The following CTXND1 variants were observed in gnomAD, a reference collection of about 807,000 sequenced individuals.
CTXND1 encodes cortexin domain-containing 1 protein.
chr15:80,221,983 G>A (rs1172265736), intron 1 of CTXND1, among the ~76,000 whole-genome samples: 2 of 152,122 alleles, frequency 1.3e-5, no homozygotes, highest in Non-Finnish European at 2.9e-5. Context: ...TTGTATAGGT[G>A]TTGCTTTTTG....
intron 1 of CTXND1, among the ~76,000 whole-genome samples, chr15:80,230,398 C>T (rs1364096665): frequency 6.6e-6 from 1 of 152,190 alleles, no homozygotes; most frequent in African/African-American, 2.4e-5. Context: ...ACGTGAGCCA[C>T]AACGCCTGGC....
chr15:80,213,731 A>G (rs1893223802), intron 1 of CTXND1, among the ~76,000 whole-genome samples: 1 of 152,234 alleles, frequency 6.6e-6, no homozygotes, highest in African/African-American at 2.4e-5. Context: ...CTCTATAACA[A>G]TGAACACCTG....
intron 1 of CTXND1, among the ~76,000 whole-genome samples, chr15:80,226,830 C>G (rs1049975431): frequency 6.6e-6 from 1 of 152,182 alleles, no homozygotes; most frequent in Non-Finnish European, 1.5e-5. Context: ...AATGCCCTGA[C>G]TTGTTTTCCA....
intron 1 of CTXND1, among the ~76,000 whole-genome samples, chr15:80,226,548 G>A (rs1406494218): frequency 6.6e-6 from 1 of 152,076 alleles, no homozygotes; most frequent in African/African-American, 2.4e-5. Flanking sequence ...AAGCCCTGTG[G>A]CAACGAGAAA....
intron 1 of CTXND1, among the ~76,000 whole-genome samples, chr15:80,214,355 G>A (rs1893230999): frequency 6.6e-6 from 1 of 152,002 alleles, no homozygotes; most frequent in African/African-American, 2.4e-5. Flanking sequence ...TTTTATTACT[G>A]GGAGGGAATA....
intron 1 of CTXND1, among the ~76,000 whole-genome samples, chr15:80,243,917 G>T (rs1893599561): frequency 1.3e-5 from 2 of 152,202 alleles, no homozygotes; most frequent in Non-Finnish European, 1.5e-5. Flanking sequence ...AACAGCTCCT[G>T]GGAGGAGACC....
At chr15:80,214,180 C>G (rs750859105) in intron 1 of CTXND1, among the ~76,000 whole-genome samples, 9 of 151,950 alleles carry the variant, frequency 5.9e-5, no homozygotes, top group Non-Finnish European at 1.0e-4. Flanking sequence ...AAGTACAATA[C>G]ATTTTTCACA....
At chr15:80,220,183 A>G (rs1467934074) in intron 1 of CTXND1, among the ~76,000 whole-genome samples, 1 of 151,566 alleles carries the variant, frequency 6.6e-6, no homozygotes. Context: ...TTATCTATCT[A>G]TCTATATTAG....
At chr15:80,232,260 C>T (rs544321944) in intron 1 of CTXND1, among the ~76,000 whole-genome samples, 1 of 152,064 alleles carries the variant, frequency 6.6e-6, no homozygotes, top group Non-Finnish European at 1.5e-5. Flanking sequence ...TGCATACCTC[C>T]CTGCCCCCGA....
intron 1 of CTXND1, among the ~76,000 whole-genome samples, chr15:80,224,476 TAA>T (rs1404257363): frequency 6.6e-6 from 1 of 152,252 alleles, no homozygotes; most frequent in African/African-American, 2.4e-5. Flanking sequence ...TAACTCTATT[TAA>T]GTCTTGAAAT....
At chr15:80,217,694 A>T (rs1292423555) in intron 1 of CTXND1, among the ~76,000 whole-genome samples, 1 of 151,734 alleles carries the variant, frequency 6.6e-6, no homozygotes, top group Non-Finnish European at 1.5e-5. Flanking sequence ...CTACAGGCGC[A>T]CACCACCATA....
chr15:80,228,697 T>A (rs543564914), intron 1 of CTXND1, among the ~76,000 whole-genome samples: 1 of 149,868 alleles, frequency 6.7e-6, no homozygotes, highest in East Asian at 2.0e-4. Context: ...TGGTGCGATC[T>A]TGGCTCACTG....
intron 1 of CTXND1, among the ~76,000 whole-genome samples, chr15:80,225,258 C>T (rs879309146): frequency 6.6e-6 from 1 of 152,088 alleles, no homozygotes; most frequent in Non-Finnish European, 1.5e-5. Context: ...TATTTACTAG[C>T]CTGGAAGCTT....
chr15:80,232,462 T>G (rs745482875), intron 1 of CTXND1, among the ~76,000 whole-genome samples: 5 of 152,194 alleles, frequency 3.3e-5, no homozygotes, highest in Non-Finnish European at 7.3e-5. Flanking sequence ...CAAACAGCCT[T>G]TAATGATTTT....
At chr15:80,217,234 T>C (rs1254860814) in intron 1 of CTXND1, among the ~76,000 whole-genome samples, 2 of 152,128 alleles carry the variant, frequency 1.3e-5, no homozygotes, top group East Asian at 3.8e-4. Flanking sequence ...AAAAAATGTC[T>C]AGGAAACTGA....
intron 1 of CTXND1, among the ~76,000 whole-genome samples, chr15:80,227,147 T>C (rs904086515): frequency 1.3e-5 from 2 of 152,210 alleles, no homozygotes; most frequent in African/African-American, 4.8e-5. Flanking sequence ...TAGCATTTTT[T>C]TCAAATGCTA....
At chr15:80,223,800 A>G (rs1181754065) in intron 1 of CTXND1, among the ~76,000 whole-genome samples, 3 of 125,664 alleles carry the variant, frequency 2.4e-5, no homozygotes, top group Non-Finnish European at 3.3e-5. Context: ...ACCTTTTAAT[A>G]TGCTTTTTGG....
rs1354130803 is a variant in CTXND1 at position 80,237,513 on chromosome 15, T to C, written c.-218+14494A>G. 2.0e-5 allele frequency among the ~76,000 whole-genome samples: 3 copies of C among 152,104 alleles called. No individual in the cohort carries two copies. The East Asian group carries it at 5.8e-4, about 29-fold the overall frequency. On this transcript the variant is annotated intron_variant, in intron 1 of 2. Transcript: ENST00000560778. ...TGGGATAAGGTAAGTGAAAGACAGA[T>C]ATATTGATGCTCTTGTAGGCTCAGG... is the stretch of plus-strand genomic sequence containing the variant.
rs191702479 is a variant in CTXND1 at position 80,228,975 on chromosome 15, G to T, written c.-218+23032C>A. ...TACTGACATGATACTCAAAGAAAAG[G>T]CTCATTGGAACATTTTGGATTTTCA... On this transcript the variant is annotated intron_variant, in intron 1 of 2. Transcript: ENST00000560778. Among the ~76,000 whole-genome samples, 114 of 152,200 alleles carry T rather than the reference G, an allele frequency of 7.5e-4. 3 individuals carry two copies. The East Asian group carries it at 0.015, about 20-fold the overall frequency.
Sources: allele counts gnomAD v4.1 joint callset (sites outside exome capture counted in the v4.1 genomes callset), GRCh38; gene constraint gnomAD v4.1.1; transcripts MANE v1.5; gene names NCBI Gene and HGNC (gene_info 2026-07-23, HGNC 2026-07-21).